The following MAP2K5 variants were observed in gnomAD, a reference collection of about 807,000 sequenced individuals.
The protein encoded by MAP2K5 is dual specificity mitogen-activated protein kinase kinase 5.
In MAP2K5, 49 loss-of-function variants were observed where a neutral mutation model predicts 83.1. That is an observed-to-expected ratio of 0.59 (90% CI 0.47 to 0.75). The LOEUF is 0.75. MAP2K5 is among the 30% of genes least tolerant of loss of function. The pLI is 0.00. For missense variants in MAP2K5, 457 were observed against 557.5 expected (o/e 0.82, Z 1.82); for synonymous variants, 202 against 191.8 (o/e 1.05, Z -0.44).
At chr15:67,664,538 A>C in intron 12 of MAP2K5, 59 bp from the exon 13 acceptor site, 1 of 1,119,916 alleles carries the variant, frequency 8.9e-7, no homozygotes, top group South Asian at 1.3e-5. Flanking sequence ...TTAAATATGG[A>C]AAGTTCCTTT....
At chr15:67,568,292 G>A (rs1487994722) in intron 3 of MAP2K5, among the ~76,000 whole-genome samples, 4 of 152,102 alleles carry the variant, frequency 2.6e-5, no homozygotes, top group Non-Finnish European at 5.9e-5. Flanking sequence ...CCTGTCAGAC[G>A]TTGAGTACTA....
rs1461818954 is a variant in MAP2K5 at position 67,686,987 on chromosome 15, T to G, written c.848-5492T>G. Among the ~76,000 whole-genome samples, 5 of 152,202 alleles carry G rather than the reference T, an allele frequency of 3.3e-5. No individual in the cohort carries two copies. In the East Asian group the frequency reaches 9.6e-4, roughly 29 times the overall value. On this transcript the variant is annotated intron_variant, in intron 13 of 21. Coordinates refer to ENST00000178640, the MANE Select transcript of MAP2K5 (RefSeq NM_145160.3). The stretch of plus-strand genomic sequence containing the variant: ...TCTAGTACTTTAAAGTTTTTAAACT[T>G]TAAACACAGCAAACTTTTGAGGTGA...
chr15:67,550,216 A>T (rs916619782), intron 2 of MAP2K5, 134 bp downstream of exon 2: 2 of 605,594 alleles, frequency 3.3e-6, no homozygotes, highest in East Asian at 5.6e-5. Context: ...TTAAATATTT[A>T]TAAATTGATA....
chr15:67,683,140 C>T (rs1419523233), intron 13 of MAP2K5, among the ~76,000 whole-genome samples: 1 of 150,264 alleles, frequency 6.7e-6, no homozygotes, highest in Non-Finnish European at 1.5e-5. Context: ...AAAACTCTGT[C>T]TCAAAAAAAA....
intron 3 of MAP2K5, among the ~76,000 whole-genome samples, chr15:67,566,742 A>G (rs907547964): frequency 6.6e-6 from 1 of 152,254 alleles, no homozygotes; most frequent in Non-Finnish European, 1.5e-5. Flanking sequence ...TTGGGCCAGT[A>G]CAAGTGTACA....
chr15:67,577,318 G>T lies in MAP2K5; in HGVS notation c.253-3436G>T, dbSNP rs1465640506. ...AATAAAGTTAAATGTCTTCCTGAAG[G>T]CTACACAAGTTAATGAGTGGCAGAC... is the stretch of plus-strand genomic sequence containing the variant. On this transcript the variant is annotated intron_variant, in intron 3 of 21. Transcript: ENST00000178640. The surrounding 1 kb of genome is among the most constrained non-coding windows in gnomAD (Gnocchi z 4.1). Among the ~76,000 whole-genome samples the T allele has an allele frequency of 2.6e-5, 4 of 152,140 alleles. No individual in the cohort carries two copies. Among genetic ancestry groups the T allele is most frequent in the African/African-American group, 4.8e-5 (2 of 41,412 alleles).
At chr15:67,678,761 T>G (rs527725830) in intron 13 of MAP2K5, among the ~76,000 whole-genome samples, 1 of 152,200 alleles carries the variant, frequency 6.6e-6, no homozygotes, top group South Asian at 2.1e-4. Context: ...GTCAGTAGTT[T>G]GAGACCAGCC....
chr15:67,770,572 AG>A lies in MAP2K5; in HGVS notation c.1196+910del, dbSNP rs1387844776. Among the ~76,000 whole-genome samples the A allele has an allele frequency of 1.3e-5, 2 of 152,204 alleles. No individual in the cohort carries two copies. Among genetic ancestry groups the A allele is most frequent in the African/African-American group, 4.8e-5 (2 of 41,462 alleles). ...TTCTTTCCCTCCTTCACCAAAGTCC[AG>A]AGTCATGTCCACTGGTGGAAAATGA... On this transcript the variant is annotated intron_variant, in intron 20 of 21. Coordinates refer to ENST00000178640, the MANE Select transcript of MAP2K5 (RefSeq NM_145160.3). This position sits in a 1 kb window ranked among gnomAD's most constrained non-coding sequence, Gnocchi z 5.0.
Position 67,784,333 on chromosome 15 carries a change from C to T in MAP2K5, c.1242+11581C>T, listed in dbSNP as rs188880178. ...TTGTTATTGTGGTTTAGAGAATTTC[C>T]GCTAAGTCAAACTATTTCTTGCAGT... On this transcript the variant is annotated intron_variant, in intron 21 of 21. Coordinates refer to ENST00000178640, the MANE Select transcript of MAP2K5 (RefSeq NM_145160.3). 9.2e-5 allele frequency among the ~76,000 whole-genome samples: 14 copies of T among 152,310 alleles called. No homozygotes were observed. The East Asian group carries it at 1.3e-3, about 15-fold the overall frequency.
intron 3 of MAP2K5, among the ~76,000 whole-genome samples, chr15:67,567,014 T>C (rs1372801403): frequency 6.6e-6 from 1 of 152,258 alleles, no homozygotes. Flanking sequence ...CACACATTAG[T>C]ACCATTTTAT....
intron 13 of MAP2K5, among the ~76,000 whole-genome samples, chr15:67,672,327 G>GT (rs1219384679): frequency 1.3e-5 from 2 of 152,024 alleles, no homozygotes; most frequent in South Asian, 4.2e-4. Context: ...AGCACCTGTT[G>GT]TTTCCTGACT....
intron 16 of MAP2K5, among the ~76,000 whole-genome samples, chr15:67,725,002 A>T (rs1305249897): frequency 6.6e-6 from 1 of 152,246 alleles, no homozygotes; most frequent in African/African-American, 2.4e-5. Context: ...TCTTACAAGC[A>T]GTCCTCCCAG....
At chr15:67,545,288 C>T (rs1261694430) in intron 1 of MAP2K5, among the ~76,000 whole-genome samples, 1 of 152,192 alleles carries the variant, frequency 6.6e-6, no homozygotes, top group African/African-American at 2.4e-5. Context: ...TGGTAAACTT[C>T]TGGAGGAGAT....
rs776208143 is a variant in MAP2K5, at chr15:67,652,802, C to G, written c.737-5751C>G. 1.3e-5 allele frequency among the ~76,000 whole-genome samples: 2 copies of G among 152,178 alleles called. No homozygotes were observed. Among genetic ancestry groups the G allele is most frequent in the African/African-American group, 4.8e-5 (2 of 41,434 alleles). On this transcript the variant is annotated intron_variant, in intron 11 of 21. Transcript: ENST00000178640. The surrounding 1 kb of genome is among the most constrained non-coding windows in gnomAD (Gnocchi z 4.2). ...TAAATAAGAACTCCTCATTCACCCC[C>G]GCTCCCAGCCCCTGGCAAACAGCAT...
At chr15:67,671,449 A>G (rs2087532667) in intron 13 of MAP2K5, among the ~76,000 whole-genome samples, 1 of 152,152 alleles carries the variant, frequency 6.6e-6, no homozygotes, top group Non-Finnish European at 1.5e-5. Flanking sequence ...GTATAAAACA[A>G]ATAATTGAAA....
At chr15:67,550,137 A>G (rs2084479026) in intron 2 of MAP2K5, 55 bp downstream of exon 2, 1 of 1,413,402 alleles carries the variant, frequency 7.1e-7, no homozygotes, top group African/African-American at 1.4e-5. Flanking sequence ...CATTTTTTAA[A>G]GGGTTTATGG....
chr15:67,703,187 A>G, intron 15 of MAP2K5, 150 bp from the exon 16 acceptor site: 1 of 587,480 alleles, frequency 1.7e-6, no homozygotes, highest in South Asian at 2.0e-5. Flanking sequence ...ATGCACAAAT[A>G]CATATATACA....
At chr15:67,584,415 T>C (rs2085246554) in intron 4 of MAP2K5, among the ~76,000 whole-genome samples, 1 of 152,202 alleles carries the variant, frequency 6.6e-6, no homozygotes, top group Admixed American at 6.5e-5. Flanking sequence ...TTTGAAGTGT[T>C]GTCTTAGGAA....
intron 3 of MAP2K5, among the ~76,000 whole-genome samples, chr15:67,568,334 A>C (rs549888522): frequency 1.3e-5 from 2 of 152,324 alleles, no homozygotes; most frequent in Non-Finnish European, 2.9e-5. Context: ...CCTGTGGAGC[A>C]CCTTATAAAT....
Sources: allele counts gnomAD v4.1 joint callset (sites outside exome capture counted in the v4.1 genomes callset), GRCh38; gene constraint gnomAD v4.1.1; non-coding constraint Gnocchi (gnomAD v3.1); transcripts MANE v1.5; gene names NCBI Gene and HGNC (gene_info 2026-07-23, HGNC 2026-07-21).